The following HTT variants were observed in gnomAD, a reference collection of about 807,000 sequenced individuals.
HTT encodes the protein huntingtin.
In HTT, 104 loss-of-function variants were observed where a neutral mutation model predicts 362.3. The ratio of observed to expected loss-of-function variants is 0.29; its 90% CI spans 0.24 to 0.34. The LOEUF is 0.34. Among genes scored for constraint, HTT ranks in the 10% least tolerant of loss-of-function variants. HTT has a pLI of 1.00. For missense variants in HTT, 3,301 were observed against 3,928.6 expected, an observed-to-expected ratio of 0.84 and a Z score of 4.27; for synonymous variants, 1,577 against 1,548.7, an observed-to-expected ratio of 1.02 and a Z score of -0.43.
At chr4:3,141,192 A>G (rs1308806362) in intron 22 of HTT, among the ~76,000 whole-genome samples, 1 of 152,236 alleles carries the variant, frequency 6.6e-6, no homozygotes, top group African/African-American at 2.4e-5. Context: ...TAATGAAGCT[A>G]TAATCTTCAG....
At chr4:3,133,896 G>T (rs531112478) in intron 18 of HTT, among the ~76,000 whole-genome samples, 4 of 152,154 alleles carry the variant, frequency 2.6e-5, no homozygotes, top group Admixed American at 2.0e-4. Flanking sequence ...CTAGCTGGGG[G>T]TCTTTGTGTC....
intron 1 of HTT, among the ~76,000 whole-genome samples, chr4:3,079,267 G>T (rs445650): frequency 0.97 from 137,033 of 140,572 alleles, 66,786 homozygotes; most frequent in South Asian, 1. Flanking sequence ...TTTTTTTTTT[G>T]GGGTTGGGGG....
rs768838354 is a variant in HTT, at chr4:3,238,456, A to C, written c.8901A>C (p.Lys2967Asn). 1 of 1,609,840 alleles carries C rather than the reference A, an allele frequency of 6.2e-7. No homozygotes were observed. Among genetic ancestry groups the C allele is most frequent in the East Asian group, 2.2e-5 (1 of 44,754 alleles). Reference sequence around the variant, plus strand: ...GCGTCCCTCCTCCCAGGATCAGGAAAGGCTTTCCTTGTGAAGCCAGAGTGG... The same window carrying C: ...GCGTCCCTCCTCCCAGGATCAGGAACGGCTTTCCTTGTGAAGCCAGAGTGG... ...RVSVLFDRIR[K>N]GFPCEARVVA... Residue 2967 changes from lysine (K) to asparagine (N), a missense_variant, in exon 65 of 67, where the codon AAA becomes AAC. Around this residue, in one of 4 missense-constraint regions of HTT, gnomAD observed 753 missense variants for 1,021.3 expected, o/e 0.74. Coordinates refer to ENST00000355072, the MANE Select transcript of HTT (RefSeq NM_001388492.1).
chr4:3,142,759 T>C lies in HTT; in HGVS notation c.2946-7T>C. ...TGTATTTTAAGTCTCTATATTTTTGTTATTAGAATATATAGAGGCTATAAC... is the reference window on the plus strand; with the variant it reads ...TGTATTTTAAGTCTCTATATTTTTGCTATTAGAATATATAGAGGCTATAAC... On this transcript the variant is annotated splice_polypyrimidine_tract_variant and splice_region_variant and intron_variant, in intron 22 of 66. Coordinates refer to ENST00000355072, the MANE Select transcript of HTT (RefSeq NM_001388492.1). 2 of 1,405,836 alleles carry C rather than the reference T, an allele frequency of 1.4e-6. No individual in the cohort carries two copies. The highest frequency in any genetic ancestry group is 2.0e-6 in the Non-Finnish European group (2 of 996,746). The allele number at this position is 1,405,836 out of a possible 1,614,324, so 87.1% of individuals were successfully genotyped here. A position where few individuals can be genotyped will look rare whatever the true frequency, so the allele number is the denominator to read the frequency against.
chr4:3,155,467 C>T (rs1056099589), intron 27 of HTT, among the ~76,000 whole-genome samples: 23 of 151,490 alleles, frequency 1.5e-4, no homozygotes, highest in African/African-American at 4.3e-4. Flanking sequence ...CCTCGTGATC[C>T]GTCCACCTCA....
chr4:3,218,057 AG>A lies in HTT; in HGVS notation c.7242+107del. 1 of 989,616 alleles carries A rather than the reference AG, an allele frequency of 1.0e-6. No homozygotes were observed. Among genetic ancestry groups the A allele is most frequent in the Non-Finnish European group, 1.5e-6 (1 of 687,812 alleles). 61.3% of individuals were successfully genotyped at this position (989,616 alleles called of 1,614,324 possible). On this transcript the variant is annotated intron_variant, in intron 52 of 66. Transcript: ENST00000355072. The surrounding 1 kb of genome is among the most constrained non-coding windows in gnomAD (Gnocchi z 4.4). ...GCGGGACAGAATCCCCGCAGCCCAG[AG>A]GCTGCCTGCTGTGGTTCTGGTGCCC... is the stretch of plus-strand genomic sequence containing the variant.
At chr4:3,079,047 G>T (rs955792753) in intron 1 of HTT, among the ~76,000 whole-genome samples, 1 of 151,492 alleles carries the variant, frequency 6.6e-6, no homozygotes, top group East Asian at 1.9e-4. Context: ...CACTGTGCCC[G>T]GCCACGCCTG....
intron 10 of HTT, among the ~76,000 whole-genome samples, chr4:3,124,293 A>T (rs1715423569): frequency 6.6e-6 from 1 of 152,174 alleles, no homozygotes; most frequent in African/African-American, 2.4e-5. Flanking sequence ...ACTGATTCAC[A>T]TTGCTCAGAT....
At chr4:3,102,997 G>A (rs1168221414) in intron 3 of HTT, among the ~76,000 whole-genome samples, 1 of 151,992 alleles carries the variant, frequency 6.6e-6, no homozygotes, top group Non-Finnish European at 1.5e-5. Flanking sequence ...AGTGAGGAGG[G>A]GCCACACCTG....
intron 26 of HTT, among the ~76,000 whole-genome samples, chr4:3,152,876 C>T (rs2110210470): frequency 6.7e-6 from 1 of 148,576 alleles, no homozygotes; most frequent in Non-Finnish European, 1.5e-5. Flanking sequence ...TGGTCTCGAT[C>T]TCCTGACTTC....
At chr4:3,170,773 T>C (rs1265954480) in intron 29 of HTT, among the ~76,000 whole-genome samples, 1 of 152,198 alleles carries the variant, frequency 6.6e-6, no homozygotes, top group African/African-American at 2.4e-5. Flanking sequence ...CTGTCCTTCA[T>C]TGCTCATGTC....
Position 3,178,348 on chromosome 4 carries a change from C to G in HTT, c.4514C>G (p.Ser1505Cys), listed in dbSNP as rs1285597512. ...PNIFFFLVLL[S>C]YERYHSKQII... ...ATCTTTTTCTTCTTGGTATTACTAT[C>G]TTATGAACGCTATCATTCAAAACAG... Residue 1505 changes from serine (S) to cysteine (C), a missense_variant, in exon 35 of 67, where the codon TCT becomes TGT. This residue lies in a region of HTT where 2,316 missense variants were observed against 2,658.5 expected (regional missense o/e 0.87). Coordinates refer to ENST00000355072, the MANE Select transcript of HTT (RefSeq NM_001388492.1). 1 of 1,610,720 alleles carries G rather than the reference C, an allele frequency of 6.2e-7. No homozygotes were observed. The highest frequency in any genetic ancestry group is 8.5e-7 in the Non-Finnish European group (1 of 1,176,894).
At chr4:3,217,256 G>A (rs1720451134) in intron 51 of HTT, among the ~76,000 whole-genome samples, 1 of 152,190 alleles carries the variant, frequency 6.6e-6, no homozygotes, top group Non-Finnish European at 1.5e-5. Context: ...GGTGTGAAGT[G>A]TCCACAGCGT....
intron 60 of HTT, among the ~76,000 whole-genome samples, chr4:3,230,863 G>A (rs1412896001): frequency 6.6e-6 from 1 of 152,264 alleles, no homozygotes; most frequent in Non-Finnish European, 1.5e-5. Context: ...TGCAAATTAG[G>A]TGTCAGTGTA....
chr4:3,225,805 G>A, intron 57 of HTT, 62 bp downstream of exon 57: 1 of 1,232,238 alleles, frequency 8.1e-7, no homozygotes, highest in Non-Finnish European at 1.2e-6. Flanking sequence ...TTTGGCGCTT[G>A]ACACACCCAG....
Position 3,225,677 on chromosome 4 carries a change from C to G in HTT, c.7782C>G (p.His2594Gln). 6.2e-7 allele frequency: 1 copy of G among 1,614,050 alleles called. No homozygotes were observed. Among genetic ancestry groups the G allele is most frequent in the Non-Finnish European group, 8.5e-7 (1 of 1,179,958 alleles). The change falls in exon 57 of 67, where the codon CAC (histidine) becomes CAG (glutamine). Residue 2594 changes from histidine to glutamine, a missense_variant. Physicochemically the swap from His to Gln is conservative, Grantham distance 24 (BLOSUM62 0). Coordinates refer to ENST00000355072, the MANE Select transcript of HTT (RefSeq NM_001388492.1). The part of the protein sequence containing the change: ...SPATTGALIS[H>Q]EKLLLQINPE... Reference sequence around the variant, plus strand: ...TGTTCACAGGTGCCCTCATCAGCCACGAGAAGCTGCTGCTACAGATCAACC... The same window carrying G: ...TGTTCACAGGTGCCCTCATCAGCCAGGAGAAGCTGCTGCTACAGATCAACC...
intron 45 of HTT, 120 bp from the exon 46 acceptor site, chr4:3,208,653 A>T (rs1719984003): frequency 7.6e-6 from 7 of 919,060 alleles, no homozygotes; most frequent in Non-Finnish European, 1.1e-5. Flanking sequence ...TTAAGAAGCC[A>T]CTAATAGTGC....
chr4:3,152,531 T>G (rs1269229185), intron 26 of HTT, among the ~76,000 whole-genome samples: 2 of 152,180 alleles, frequency 1.3e-5, no homozygotes, highest in Non-Finnish European at 2.9e-5. Context: ...AACTCTGTAC[T>G]CTTTACCCAA....
chr4:3,176,781 C>A (rs971274957), intron 33 of HTT, among the ~76,000 whole-genome samples: 3 of 152,216 alleles, frequency 2.0e-5, no homozygotes. Flanking sequence ...ATTTATTGAG[C>A]TCCTGCTGTA....
Sources: gnomAD v4.1 joint callset for allele counts (sites outside exome capture counted in the v4.1 genomes callset) on GRCh38, gnomAD v4.1.1 for gene constraint, gnomAD v4.1.1 regional missense constraint, Gnocchi (gnomAD v3.1) non-coding constraint, MANE v1.5 for transcripts, NCBI Gene and HGNC (gene_info 2026-07-23, HGNC 2026-07-21) for gene names.